FOXP2: variants seen among roughly 807,000 people sequenced by gnomAD.
The protein encoded by FOXP2 is forkhead box P2, also known as forkhead box protein P2.
In FOXP2, 12 loss-of-function variants were observed where a neutral mutation model predicts 115.8. The ratio of observed to expected loss-of-function variants is 0.10; its 90% confidence interval spans 0.07 to 0.17. The LOEUF is 0.17. FOXP2 is among the 10% of genes least tolerant of loss of function. The probability of loss-of-function intolerance (pLI) is 1.00; values close to 1 mark genes in which losing one functional copy is unlikely to be tolerated. For synonymous variants in FOXP2, 328 were observed against 297.7 expected, an observed-to-expected ratio of 1.10 and a Z score of -1.05; for missense variants, 629 against 843.5, an observed-to-expected ratio of 0.75 and a Z score of 3.15.
At chr7:114,677,326 T>G (rs548307307) in intron 16 of FOXP2, among the ~76,000 whole-genome samples, 1 of 152,204 alleles carries the variant, frequency 6.6e-6, no homozygotes, top group African/African-American at 2.4e-5. Context: ...AATATTCTAG[T>G]CATTAACAGT....
At chr7:114,483,958 G>A (rs919207174) in intron 2 of FOXP2, among the ~76,000 whole-genome samples, 1 of 151,666 alleles carries the variant, frequency 6.6e-6, no homozygotes, top group African/African-American at 2.4e-5. Flanking sequence ...AGACATGAGA[G>A]CATTTTAAAT....
intron 1 of FOXP2, among the ~76,000 whole-genome samples, chr7:114,142,109 G>A (rs1463291284): frequency 2.0e-5 from 3 of 151,912 alleles, no homozygotes; most frequent in Non-Finnish European, 2.9e-5. Flanking sequence ...TGCAACCTCC[G>A]TCTTCAGGTT....
chr7:114,340,360 T>C (rs1791172470), intron 2 of FOXP2, among the ~76,000 whole-genome samples: 1 of 151,110 alleles, frequency 6.6e-6, no homozygotes, highest in Non-Finnish European at 1.5e-5. Flanking sequence ...ATAGACACAC[T>C]AAGGGACATA....
intron 1 of FOXP2, among the ~76,000 whole-genome samples, chr7:114,420,456 A>G (rs1793569333): frequency 6.6e-6 from 1 of 151,952 alleles, no homozygotes; most frequent in Non-Finnish European, 1.5e-5. Flanking sequence ...TCCTGGTTGC[A>G]GGATTTGACA....
chr7:114,248,562 G>T (rs1164710830), intron 1 of FOXP2, among the ~76,000 whole-genome samples: 1 of 152,114 alleles, frequency 6.6e-6, no homozygotes, highest in East Asian at 1.9e-4. Context: ...GTGAATTTTT[G>T]TTTACTGTTG....
intron 3 of FOXP2, among the ~76,000 whole-genome samples, chr7:114,547,661 A>T (rs554290846): frequency 1.7e-4 from 26 of 152,314 alleles, no homozygotes; most frequent in Non-Finnish European, 4.4e-5. Flanking sequence ...TGGGAGGCTG[A>T]GACAGGAGAA....
At chr7:114,522,774 C>G (rs1266617108) in intron 2 of FOXP2, among the ~76,000 whole-genome samples, 1 of 151,952 alleles carries the variant, frequency 6.6e-6, no homozygotes, top group African/African-American at 2.4e-5. Flanking sequence ...GTTCATAACT[C>G]TAATTTACCA....
chr7:114,677,106 C>T (rs1305569677), intron 16 of FOXP2, among the ~76,000 whole-genome samples: 1 of 149,352 alleles, frequency 6.7e-6, no homozygotes, highest in Non-Finnish European at 1.5e-5. Context: ...GCGGAGGTTG[C>T]AGTGAGCCAA....
At chr7:114,341,374 A>G (rs1282340088) in intron 2 of FOXP2, among the ~76,000 whole-genome samples, 2 of 151,262 alleles carry the variant, frequency 1.3e-5, no homozygotes, top group Non-Finnish European at 3.0e-5. Flanking sequence ...AAAAACATAT[A>G]TAGTATGTTT....
At chr7:114,532,173 T>C (rs911023751) in intron 2 of FOXP2, among the ~76,000 whole-genome samples, 1 of 151,868 alleles carries the variant, frequency 6.6e-6, no homozygotes, top group African/African-American at 2.4e-5. Flanking sequence ...ACTCAGGATG[T>C]TACAAAAGTT....
chr7:114,304,295 A>G (rs894351553), intron 2 of FOXP2, among the ~76,000 whole-genome samples: 6 of 151,808 alleles, frequency 4.0e-5, no homozygotes, highest in African/African-American at 1.5e-4. Context: ...TCAATGCTAG[A>G]CTCCTAGCAT....
chr7:114,212,071 AAAAT>A (rs1794367554), intron 1 of FOXP2, among the ~76,000 whole-genome samples: 2 of 125,770 alleles, frequency 1.6e-5, no homozygotes, highest in Admixed American at 2.1e-4. Flanking sequence ...CTCAGTTTCA[AAAAT>A]AAATAAAATA....
At chr7:114,197,385 G>T (rs1793940819) in intron 1 of FOXP2, among the ~76,000 whole-genome samples, 1 of 152,190 alleles carries the variant, frequency 6.6e-6, no homozygotes, top group Admixed American at 6.5e-5. Context: ...TTCTGGTGAA[G>T]TCTCTCTTTC....
chr7:114,486,860 C>A (rs561761338), intron 2 of FOXP2, among the ~76,000 whole-genome samples: 18 of 152,302 alleles, frequency 1.2e-4, no homozygotes, highest in African/African-American at 3.1e-4. Context: ...TAGCCTTGGG[C>A]AGCTCCACCC....
upstream of FOXP2, chr7:114,086,756 C>T (rs991386685): frequency 1.3e-5 from 3 of 232,490 alleles, no homozygotes; most frequent in Non-Finnish European, 2.6e-5. Context: ...AAAGGCAGCG[C>T]CCTGCTTGCC....
intron 2 of FOXP2, among the ~76,000 whole-genome samples, chr7:114,298,668 C>T (rs1447905606): frequency 6.6e-6 from 1 of 152,286 alleles, no homozygotes; most frequent in East Asian, 1.9e-4. Context: ...AAGACTTGAA[C>T]TAAGGCAGTT....
intron 2 of FOXP2, among the ~76,000 whole-genome samples, chr7:114,493,397 A>G (rs1423431150): frequency 6.6e-6 from 1 of 152,102 alleles, no homozygotes; most frequent in African/African-American, 2.4e-5. Context: ...AGAAAACCCT[A>G]ATATAAACTA....
At chr7:114,597,008 T>C (rs550223060) in intron 3 of FOXP2, among the ~76,000 whole-genome samples, 2 of 152,204 alleles carry the variant, frequency 1.3e-5, no homozygotes, top group Admixed American at 1.3e-4. Context: ...TCAAAAATAA[T>C]TCAGAATTAT....
intron 3 of FOXP2, among the ~76,000 whole-genome samples, chr7:114,557,491 A>T (rs1800521761): frequency 6.9e-6 from 1 of 145,982 alleles, no homozygotes; most frequent in Non-Finnish European, 1.5e-5. Flanking sequence ...TAAATATAAT[A>T]AGAAGTATTT....
Sources: allele counts gnomAD v4.1 joint callset (sites outside exome capture counted in the v4.1 genomes callset), GRCh38; gene constraint gnomAD v4.1.1; transcripts MANE v1.5; gene names NCBI Gene and HGNC (gene_info 2026-07-23, HGNC 2026-07-21).